Variants in PBX3 observed in about 807,000 individuals in gnomAD.
The protein encoded by PBX3 is pre-B-cell leukemia transcription factor 3.
In PBX3, 14 loss-of-function variants were observed where a neutral mutation model predicts 48.5. The ratio of observed to expected loss-of-function variants is 0.29; its 90% CI spans 0.19 to 0.45. The LOEUF (loss-of-function observed/expected upper bound fraction) is 0.45. Ranked by LOEUF, PBX3 falls within the 20% of genes least tolerant of loss-of-function variation. The pLI, the probability that PBX3 is intolerant of heterozygous loss-of-function variation, is 1.00. For synonymous variants in PBX3, 210 were observed against 200.3 expected (o/e 1.05, Z -0.41); for missense variants, 386 against 546.7 (o/e 0.71, Z 2.93).
chr9:125,901,178 C>T (rs1416633713), intron 2 of PBX3, among the ~76,000 whole-genome samples: 11 of 151,664 alleles, frequency 7.3e-5, no homozygotes, highest in Non-Finnish European at 1.3e-4. Context: ...TACCCGCTTC[C>T]GTCAGTAATG....
At chr9:125,948,193 T>C (rs974251386) in intron 5 of PBX3, among the ~76,000 whole-genome samples, 1 of 152,202 alleles carries the variant, frequency 6.6e-6, no homozygotes, top group African/African-American at 2.4e-5. Flanking sequence ...AACTACACTT[T>C]GGAGTAGCAC....
At chr9:125,865,874 T>C (rs538348006) in intron 2 of PBX3, among the ~76,000 whole-genome samples, 3 of 152,166 alleles carry the variant, frequency 2.0e-5, no homozygotes, top group Admixed American at 2.0e-4. Context: ...CTGAGAATCA[T>C]GTAATTAAGT....
chr9:125,831,011 C>G (rs995996862), intron 2 of PBX3, among the ~76,000 whole-genome samples: 4 of 152,178 alleles, frequency 2.6e-5, no homozygotes, highest in African/African-American at 4.8e-5. Flanking sequence ...GATTCACATT[C>G]CTTCCTCCTG....
At chr9:125,856,575 A>C (rs1839729938) in intron 2 of PBX3, among the ~76,000 whole-genome samples, 1 of 152,134 alleles carries the variant, frequency 6.6e-6, no homozygotes, top group African/African-American at 2.4e-5. Context: ...GCTTGGATTG[A>C]CAACTGCTAG....
intron 2 of PBX3, among the ~76,000 whole-genome samples, chr9:125,907,480 A>G (rs983442671): frequency 1.3e-5 from 2 of 152,102 alleles, no homozygotes; most frequent in Non-Finnish European, 2.9e-5. Context: ...TTTAATTCAT[A>G]TGATTTAAAG....
At chr9:125,892,135 C>G (rs544216900) in intron 2 of PBX3, among the ~76,000 whole-genome samples, 14 of 152,024 alleles carry the variant, frequency 9.2e-5, no homozygotes, top group Non-Finnish European at 1.9e-4. Context: ...GTTGGTCAGG[C>G]TGATCTCCAA....
At chr9:125,916,875 A>G (rs1208157403) in intron 3 of PBX3, among the ~76,000 whole-genome samples, 1 of 152,160 alleles carries the variant, frequency 6.6e-6, no homozygotes, top group Non-Finnish European at 1.5e-5. Context: ...ATACATGTAC[A>G]CAAAAATAAT....
chr9:125,765,647 C>T (rs957009531), intron 2 of PBX3, among the ~76,000 whole-genome samples: 2 of 152,134 alleles, frequency 1.3e-5, no homozygotes. Context: ...AAGTCTTTTA[C>T]AGACACATTC....
At chr9:125,840,040 A>T (rs986295568) in intron 2 of PBX3, among the ~76,000 whole-genome samples, 1 of 152,124 alleles carries the variant, frequency 6.6e-6, no homozygotes, top group Admixed American at 6.5e-5. Context: ...CTCTTTGTAA[A>T]TATGGGTATC....
At chr9:125,821,109 T>G (rs141755433) in intron 2 of PBX3, among the ~76,000 whole-genome samples, 201 of 152,290 alleles carry the variant, frequency 1.3e-3, no homozygotes, top group African/African-American at 3.9e-3. Flanking sequence ...CTTTAAAGCC[T>G]CCTGAAGAGG....
chr9:125,924,182 A>G (rs372177710), intron 3 of PBX3, among the ~76,000 whole-genome samples: 67 of 152,340 alleles, frequency 4.4e-4, no homozygotes, highest in African/African-American at 1.6e-3. Context: ...AATTAATTTA[A>G]AAATAACAAC....
At chr9:125,788,595 G>T (rs766229416) in intron 2 of PBX3, among the ~76,000 whole-genome samples, 1 of 151,826 alleles carries the variant, frequency 6.6e-6, no homozygotes, top group Non-Finnish European at 1.5e-5. Flanking sequence ...GCTGTGGGCC[G>T]GGCATGGTGG....
chr9:125,850,481 T>G (rs1203485068), intron 2 of PBX3, among the ~76,000 whole-genome samples: 1 of 152,052 alleles, frequency 6.6e-6, no homozygotes, highest in Admixed American at 6.6e-5. Flanking sequence ...GTAATTATGA[T>G]GTTATATATA....
At chr9:125,836,020 A>G (rs1051418420) in intron 2 of PBX3, among the ~76,000 whole-genome samples, 1 of 152,248 alleles carries the variant, frequency 6.6e-6, no homozygotes. Flanking sequence ...TTATTTAGCC[A>G]TGAAAAAGAA....
chr9:125,953,227 G>A (rs1179955331), intron 5 of PBX3, among the ~76,000 whole-genome samples: 1 of 152,064 alleles, frequency 6.6e-6, no homozygotes, highest in Non-Finnish European at 1.5e-5. Context: ...GTAGGACTGA[G>A]GGGCCAGCAC....
At chr9:125,962,074 T>G (rs901768742) in intron 6 of PBX3, 28 bp from the exon 7 acceptor site, 2 of 1,128,414 alleles carry the variant, frequency 1.8e-6, no homozygotes, top group South Asian at 1.2e-5. Context: ...CTCTCTGTTA[T>G]TCAGCTACTT....
At chr9:125,887,344 G>C (rs1288327367) in intron 2 of PBX3, among the ~76,000 whole-genome samples, 1 of 152,098 alleles carries the variant, frequency 6.6e-6, no homozygotes. Context: ...CTTAAGTTGT[G>C]CCCTGCATTA....
chr9:125,940,391 G>A (rs1841934890), intron 5 of PBX3, among the ~76,000 whole-genome samples: 1 of 152,112 alleles, frequency 6.6e-6, no homozygotes, highest in Admixed American at 6.5e-5. Context: ...TAAAAAGACT[G>A]TTTCCATTCG....
rs1397275305 is a variant in PBX3, at chr9:125,966,266, A to G, written c.*343A>G. On this transcript the variant is annotated 3_prime_UTR_variant, in exon 9 of 9. Coordinates refer to ENST00000373489, the MANE Select transcript of PBX3 (RefSeq NM_006195.6). Reference sequence around the variant, plus strand: ...GCCTTAAGGGTAAAAAGTACAATATACACTAAACCTCAACCGTTAAAGCAG... The same window carrying G: ...GCCTTAAGGGTAAAAAGTACAATATGCACTAAACCTCAACCGTTAAAGCAG... 5.9e-6 allele frequency: 1 copy of G among 170,830 alleles called. No individual in the cohort carries two copies. The highest frequency in any genetic ancestry group is 2.4e-5 in the African/African-American group (1 of 42,070). 10.6% of individuals were successfully genotyped at this position (170,830 alleles called of 1,614,324 possible).
Sources: allele counts gnomAD v4.1 joint callset (sites outside exome capture counted in the v4.1 genomes callset), GRCh38; gene constraint gnomAD v4.1.1; transcripts MANE v1.5; gene names NCBI Gene and HGNC (gene_info 2026-07-23, HGNC 2026-07-21).